Variants in CDH12 observed in about 807,000 individuals in gnomAD.
CDH12 encodes cadherin 12.
CDH12 carries 41 observed loss-of-function variants against 74.1 expected under a neutral mutation model. The observed-to-expected ratio is 0.55, with a 90% confidence interval of 0.43 to 0.72. CDH12 has a LOEUF of 0.72. CDH12 is among the 30% of genes least tolerant of loss of function. The probability of loss-of-function intolerance (pLI) is 0.00; values close to 1 mark genes in which losing one functional copy is unlikely to be tolerated. For synonymous variants in CDH12, 399 were observed against 355.0 expected, an observed-to-expected ratio of 1.12 and a Z score of -1.39; for missense variants, 945 against 977.2, an observed-to-expected ratio of 0.97 and a Z score of 0.44.
intron 5 of CDH12, among the ~76,000 whole-genome samples, chr5:22,017,639 G>A (rs1008749884): frequency 6.6e-6 from 1 of 152,090 alleles, no homozygotes; most frequent in Non-Finnish European, 1.5e-5. Flanking sequence ...TGTAAATGTG[G>A]GAGCCAAGAA....
At chr5:21,760,800 T>C (rs537171309) in intron 12 of CDH12, 125 bp from the exon 13 acceptor site, 2 of 691,984 alleles carry the variant, frequency 2.9e-6, no homozygotes, top group East Asian at 2.6e-5. Flanking sequence ...TCAATACCAG[T>C]AGGTCAATTA....
chr5:21,988,385 G>A (rs533972260), intron 5 of CDH12, among the ~76,000 whole-genome samples: 2 of 151,254 alleles, frequency 1.3e-5, no homozygotes, highest in East Asian at 2.0e-4. Context: ...CCAGCTACTC[G>A]GGAGGCTGAG....
chr5:22,777,329 T>A (rs1196152953), intron 1 of CDH12, among the ~76,000 whole-genome samples: 1 of 152,170 alleles, frequency 6.6e-6, no homozygotes, highest in Non-Finnish European at 1.5e-5. Context: ...TGTTATTCAG[T>A]TGATACATTG....
intron 3 of CDH12, among the ~76,000 whole-genome samples, chr5:22,335,983 G>C (rs1465271845): frequency 6.6e-6 from 1 of 152,086 alleles, no homozygotes; most frequent in Non-Finnish European, 1.5e-5. Flanking sequence ...GAATGGCTTT[G>C]ACCAAAAGCC....
chr5:21,998,196 A>G (rs1736405205), intron 5 of CDH12, among the ~76,000 whole-genome samples: 1 of 152,080 alleles, frequency 6.6e-6, no homozygotes, highest in Non-Finnish European at 1.5e-5. Flanking sequence ...TTTAATTATA[A>G]TAAGCTTTAC....
chr5:22,092,312 T>C (rs75519202), intron 4 of CDH12, among the ~76,000 whole-genome samples: 1,919 of 152,162 alleles, frequency 0.013, 37 homozygotes, highest in African/African-American at 0.044. Flanking sequence ...AGAATACAGA[T>C]ATGGAAGTAA....
At chr5:22,122,101 C>T (rs772236813) in intron 4 of CDH12, among the ~76,000 whole-genome samples, 2 of 151,950 alleles carry the variant, frequency 1.3e-5, no homozygotes, top group Non-Finnish European at 2.9e-5. Context: ...CATTTTTAGC[C>T]ATATATTAAA....
At chr5:22,031,687 T>G (rs888961650) in intron 5 of CDH12, among the ~76,000 whole-genome samples, 3 of 152,146 alleles carry the variant, frequency 2.0e-5, no homozygotes, top group Non-Finnish European at 2.9e-5. Flanking sequence ...TCAATATTGT[T>G]GTGTTTCAAG....
chr5:22,657,120 T>A (rs541977923), intron 1 of CDH12, among the ~76,000 whole-genome samples: 4 of 152,260 alleles, frequency 2.6e-5, no homozygotes, highest in African/African-American at 9.6e-5. Context: ...GATGAAACAA[T>A]GTAGATTAAA....
intron 6 of CDH12, among the ~76,000 whole-genome samples, chr5:21,860,225 C>A (rs917215600): frequency 5.3e-5 from 8 of 151,934 alleles, no homozygotes; most frequent in African/African-American, 1.7e-4. Flanking sequence ...TCTTCATTTT[C>A]TTTATCATGT....
At chr5:22,142,889 T>C (rs764143698) in intron 4 of CDH12, 1 of 236,996 alleles carries the variant, frequency 4.2e-6, no homozygotes, top group Non-Finnish European at 9.4e-6. Flanking sequence ...CTACCAATCT[T>C]GCTGGCAAGT....
rs368736271 is a variant in CDH12, at chr5:22,471,006, C to T, written c.-428+34264G>A. Among the ~76,000 whole-genome samples, 446 of 152,184 alleles carry T rather than the reference C, an allele frequency of 2.9e-3. 1 individual carries two copies. Among genetic ancestry groups the T allele is most frequent in the Non-Finnish European group, 4.8e-3 (324 of 68,008 alleles). On this transcript the variant is annotated intron_variant, in intron 2 of 14. Coordinates refer to ENST00000382254, the MANE Select transcript of CDH12 (RefSeq NM_004061.5). ...TCCAAGAAGTGGACCCTTAATGCTA[C>T]CTGGAATCCAGCTAGATTTCTCTAA... is the stretch of plus-strand genomic sequence containing the variant.
At chr5:22,561,360 A>G (rs1739037544) in intron 1 of CDH12, among the ~76,000 whole-genome samples, 1 of 152,140 alleles carries the variant, frequency 6.6e-6, no homozygotes, top group South Asian at 2.1e-4. Flanking sequence ...TTTTCCTTCC[A>G]TCAGGTAAGT....
chr5:21,756,688 G>A (rs932128467), intron 13 of CDH12, among the ~76,000 whole-genome samples: 6 of 151,954 alleles, frequency 3.9e-5, no homozygotes, highest in South Asian at 2.1e-4. Context: ...CCCTAGAAAC[G>A]CTTTGTTATT....
chr5:21,832,913 A>G (rs58217836), intron 8 of CDH12, among the ~76,000 whole-genome samples: 2 of 76,842 alleles, frequency 2.6e-5, no homozygotes, highest in South Asian at 3.7e-4. Flanking sequence ...TATATGATAT[A>G]ATATTAATAT....
chr5:21,881,503 C>T (rs1307988071), intron 6 of CDH12, among the ~76,000 whole-genome samples: 1 of 152,150 alleles, frequency 6.6e-6, no homozygotes, highest in Non-Finnish European at 1.5e-5. Flanking sequence ...CTACCCTAGT[C>T]CACCTCCAGG....
intron 1 of CDH12, among the ~76,000 whole-genome samples, chr5:22,544,750 C>T (rs1406185304): frequency 6.6e-6 from 1 of 151,510 alleles, no homozygotes; most frequent in Non-Finnish European, 1.5e-5. Context: ...CTAGGAAGGA[C>T]AGATTGCAGT....
chr5:22,729,411 C>A (rs981377010), intron 1 of CDH12, among the ~76,000 whole-genome samples: 1 of 151,830 alleles, frequency 6.6e-6, no homozygotes, highest in African/African-American at 2.4e-5. Flanking sequence ...TATTACATTG[C>A]ACTACCTGGG....
At chr5:22,103,788 A>G (rs1339744598) in intron 4 of CDH12, among the ~76,000 whole-genome samples, 2 of 152,196 alleles carry the variant, frequency 1.3e-5, no homozygotes, top group Non-Finnish European at 2.9e-5. Context: ...TTTTCCATTT[A>G]TTTCATTTAA....
Sources: allele counts gnomAD v4.1 joint callset (sites outside exome capture counted in the v4.1 genomes callset), GRCh38; gene constraint gnomAD v4.1.1; transcripts MANE v1.5; gene names NCBI Gene and HGNC (gene_info 2026-07-23, HGNC 2026-07-21).